Variants in ARL2 observed in about 807,000 individuals in gnomAD.
ARL2 encodes ADP-ribosylation factor-like protein 2.
In ARL2, 11 loss-of-function variants were observed where a neutral mutation model predicts 22.0. The ratio of observed to expected loss-of-function variants is 0.50; its 90% CI spans 0.31 to 0.83. ARL2 has a LOEUF of 0.83. ARL2 is among the 40% of genes least tolerant of loss of function. The probability of loss-of-function intolerance (pLI) is 0.04; values close to 1 mark genes in which losing one functional copy is unlikely to be tolerated. For synonymous variants in ARL2, 111 were observed against 100.8 expected, an observed-to-expected ratio of 1.10 and a Z score of -0.61; for missense variants, 216 against 243.2, an observed-to-expected ratio of 0.89 and a Z score of 0.74.
In ARL2 at chr11:65,014,250, C is replaced by A; in HGVS notation, c.43C>A (p.Arg15=). 1 of 1,574,006 alleles carries A rather than the reference C, an allele frequency of 6.4e-7. No individual in the cohort carries two copies. Among genetic ancestry groups the A allele is most frequent in the East Asian group, 2.5e-5 (1 of 39,278 alleles). The change falls in exon 1 of 5, where the codon CGG becomes AGG. Residue 15 remains arginine (R), a synonymous_variant. Coordinates refer to ENST00000246747, the MANE Select transcript of ARL2 (RefSeq NM_001667.4). ...TILKKMKQKE[R]ELRLLMLGLD... ...TCTGAAGAAGATGAAGCAGAAAGAG[C>A]GGGAGCTGCGACTGCTCATGCTGTA... is the stretch of plus-strand genomic sequence containing the variant.
intron 1 of ARL2, among the ~76,000 whole-genome samples, chr11:65,016,268 CGG>C (rs59272641): frequency 7.6e-5 from 6 of 79,136 alleles, no homozygotes; most frequent in African/African-American, 1.7e-4. Flanking sequence ...TATAGCAATT[CGG>C]GGGGGGGGGA....
chr11:65,020,691 A>T, intron 4 of ARL2, 192 bp downstream of exon 4: 1 of 578,220 alleles, frequency 1.7e-6, no homozygotes, highest in South Asian at 2.1e-5. Context: ...CAACATGATG[A>T]AACCCCGTCT....
At position 65,018,287 on chromosome 11, in the gene ARL2, A is replaced by G; in HGVS notation, c.66-77A>G. 1 of 1,173,956 alleles carries G rather than the reference A, an allele frequency of 8.5e-7. No homozygotes were observed. The highest frequency in any genetic ancestry group is 1.2e-6 in the Non-Finnish European group (1 of 822,924). The allele number at this position is 1,173,956 out of a possible 1,614,324, so 72.7% of individuals were successfully genotyped here. A position where few individuals can be genotyped will look rare whatever the true frequency, so the allele number is the denominator to read the frequency against. Reference sequence around the variant, plus strand: ...GTTTGATACATGGTGGGAAATAATGAGTCCCCTAAGGGGCTCTGCAACAAT... The same window carrying G: ...GTTTGATACATGGTGGGAAATAATGGGTCCCCTAAGGGGCTCTGCAACAAT... On this transcript the variant is annotated intron_variant, in intron 1 of 4. Coordinates refer to ENST00000246747, the MANE Select transcript of ARL2 (RefSeq NM_001667.4). The surrounding 1 kb of genome is among the most constrained non-coding windows in gnomAD (Gnocchi z 4.2).
chr11:65,014,299 A>T (rs1946220890), intron 1 of ARL2, 27 bp downstream of exon 1: 2 of 1,528,466 alleles, frequency 1.3e-6, no homozygotes, highest in Admixed American at 2.2e-5. Context: ...CGGAACCGCG[A>T]GGGTGGCGGG....
Position 65,021,891 on chromosome 11 carries a change from C to A in ARL2, c.*36C>A. ...ATGCCCCCCACCTAGCAGTCCAGGT[C>A]CCTCAACCTTCACCAAACACTACCC... is the stretch of plus-strand genomic sequence containing the variant. On this transcript the variant is annotated 3_prime_UTR_variant, in exon 5 of 5. Transcript: ENST00000246747. 6.3e-7 allele frequency: 1 copy of A among 1,596,252 alleles called. No homozygotes were observed. The highest frequency in any genetic ancestry group is 8.5e-7 in the Non-Finnish European group (1 of 1,170,822).
intron 1 of ARL2, 46 bp downstream of exon 1, chr11:65,014,318 G>C (rs746242393): frequency 3.4e-6 from 5 of 1,490,266 alleles, no homozygotes; most frequent in East Asian, 2.9e-5. Context: ...GGGTCCAGCC[G>C]GGCAGGCGGT....
In ARL2 at chr11:65,021,713, C is replaced by T. The variant is rs779909871; in HGVS notation, c.421-8C>T. On this transcript the variant is annotated splice_region_variant and splice_polypyrimidine_tract_variant and intron_variant, in intron 4 of 4. Coordinates refer to ENST00000246747, the MANE Select transcript of ARL2 (RefSeq NM_001667.4). Reference sequence around the variant, plus strand: ...TGGCCACCACCATCAGCACCTTTGTCCTCCCAGGTCCTGGAGCTGGACTCC... The same window carrying T: ...TGGCCACCACCATCAGCACCTTTGTTCTCCCAGGTCCTGGAGCTGGACTCC... The T allele has an allele frequency of 1.9e-6, 3 of 1,593,556 alleles. No individual in the cohort carries two copies. The highest frequency in any genetic ancestry group is 8.5e-7 in the Non-Finnish European group (1 of 1,170,196).
At chr11:65,016,330 T>C (rs1946255500) in intron 1 of ARL2, among the ~76,000 whole-genome samples, 1 of 150,926 alleles carries the variant, frequency 6.6e-6, no homozygotes, top group African/African-American at 2.4e-5. Context: ...GAGGACTAAC[T>C]GGCGTGTTCA....
At position 65,018,656 on chromosome 11, in the gene ARL2, A is replaced by T; in HGVS notation, c.262A>T (p.Ile88Phe). ...RNYFESTDGL[I>F]WVVDSADRQR... ...CTACTTTGAGAGCACCGATGGCCTC[A>T]TCTGGGTAGTGGACAGCGCAGACCG... Residue 88 changes from isoleucine to phenylalanine, a missense_variant, in exon 3 of 5, where the codon ATC becomes TTC. By Grantham distance (21) the Ile-to-Phe change is conservative. Coordinates refer to ENST00000246747, the MANE Select transcript of ARL2 (RefSeq NM_001667.4). This position sits in a 1 kb window ranked among gnomAD's most constrained non-coding sequence, Gnocchi z 4.2. 11 of 1,614,218 alleles carry T rather than the reference A, an allele frequency of 6.8e-6. No individual in the cohort carries two copies. Among genetic ancestry groups the T allele is most frequent in the South Asian group, 1.1e-5 (1 of 91,078 alleles).
intron 3 of ARL2, chr11:65,019,636 G>A (rs1946304310): frequency 1.3e-5 from 2 of 152,536 alleles, no homozygotes; most frequent in African/African-American, 4.8e-5. Context: ...CCTAACCGTG[G>A]CCTGTCCAAA....
chr11:65,020,035 T>C (rs1946308785), intron 3 of ARL2, among the ~76,000 whole-genome samples: 1 of 152,232 alleles, frequency 6.6e-6, no homozygotes, highest in Non-Finnish European at 1.5e-5. Context: ...TAAAGGGCTG[T>C]GTGAACCCAG....
At chr11:65,015,745 A>T (rs1946243969) in intron 1 of ARL2, among the ~76,000 whole-genome samples, 2 of 151,788 alleles carry the variant, frequency 1.3e-5, no homozygotes, top group Non-Finnish European at 1.5e-5. Context: ...ACATAGTGAG[A>T]CTCTGTCTCT....
chr11:65,018,689 A>G lies in ARL2; in HGVS notation c.295A>G (p.Met99Val), dbSNP rs1946289454. The G allele has an allele frequency of 1.2e-6, 2 of 1,614,222 alleles. No homozygotes were observed. Among genetic ancestry groups the G allele is most frequent in the East Asian group, 2.2e-5 (1 of 44,884 alleles). Residue 99 changes from methionine to valine, a missense_variant, in exon 3 of 5, where the codon ATG (methionine) becomes GTG (valine). Physicochemically the swap from Met to Val is conservative, Grantham distance 21 (BLOSUM62 1). Transcript: ENST00000246747. This position sits in a 1 kb window ranked among gnomAD's most constrained non-coding sequence, Gnocchi z 4.2. Reference protein sequence around the residue: ...WVVDSADRQRMQDCQRELQSL... With the variant: ...WVVDSADRQRVQDCQRELQSL... ...AGTGGACAGCGCAGACCGCCAGCGC[A>G]TGCAGGACTGCCAGCGGGAGCTCCA...
rs1392810748 is a variant in ARL2 at position 65,022,035 on chromosome 11, G to A, written c.*180G>A. ...ACCCGGCTCCCATGGCGGGAGGGCT[G>A]TGCCCTGGCTGTCTCTCTGGCTCCT... On this transcript the variant is annotated 3_prime_UTR_variant, in exon 5 of 5. Coordinates refer to ENST00000246747, the MANE Select transcript of ARL2 (RefSeq NM_001667.4). 4 of 900,734 alleles carry A rather than the reference G, an allele frequency of 4.4e-6. No homozygotes were observed. The highest frequency in any genetic ancestry group is 6.6e-6 in the Non-Finnish European group (4 of 607,152). The allele number at this position is 900,734 out of a possible 1,614,324, so 55.8% of individuals were successfully genotyped here. A position where few individuals can be genotyped will look rare whatever the true frequency, so the allele number is the denominator to read the frequency against.
At position 65,022,117 on chromosome 11, in the gene ARL2, ACTG is replaced by A. The variant is rs1291133029; in HGVS notation, c.*268_*270del. The A allele has an allele frequency of 5.2e-5, 26 of 504,694 alleles. No homozygotes were observed. Among genetic ancestry groups the A allele is most frequent in the African/African-American group, 5.0e-4 (26 of 52,302 alleles). 31.3% of individuals were successfully genotyped at this position (504,694 alleles called of 1,614,324 possible). On this transcript the variant is annotated 3_prime_UTR_variant, in exon 5 of 5. Coordinates refer to ENST00000246747, the MANE Select transcript of ARL2 (RefSeq NM_001667.4). Reference sequence around the variant, plus strand: ...GAGGGCTGGGCGGGGAGGAGCTGCTACTGCTGCTACCGAGGCTGTGGGCCTCAT... The same window carrying A: ...GAGGGCTGGGCGGGGAGGAGCTGCTACTGCTACCGAGGCTGTGGGCCTCAT...
rs543290173 is a variant in ARL2, at chr11:65,017,553, A to G, written c.66-811A>G. 3.9e-5 allele frequency among the ~76,000 whole-genome samples: 6 copies of G among 152,240 alleles called. 1 individual carries two copies. The South Asian group carries it at 1.2e-3, about 32-fold the overall frequency. ...GCAAGCTCATCAGCCAGTGGGAATG[A>G]TCAAGAGGGGAAGGAAACATGGATG... On this transcript the variant is annotated intron_variant, in intron 1 of 4. Coordinates refer to ENST00000246747, the MANE Select transcript of ARL2 (RefSeq NM_001667.4).
At chr11:65,017,367 T>C (rs1402500444) in intron 1 of ARL2, among the ~76,000 whole-genome samples, 6 of 151,974 alleles carry the variant, frequency 3.9e-5, no homozygotes, top group African/African-American at 1.5e-4. Context: ...GGCTGATTTT[T>C]GTAGTTTTAG....
intron 3 of ARL2, 25 bp from the exon 4 acceptor site, chr11:65,020,394 C>G (rs373752729): frequency 9.4e-6 from 15 of 1,588,598 alleles, no homozygotes; most frequent in South Asian, 2.2e-5. Context: ...GTCCCCACCC[C>G]ACCCCTCTAT....
chr11:65,016,399 C>T (rs1946256793), intron 1 of ARL2, among the ~76,000 whole-genome samples: 1 of 151,690 alleles, frequency 6.6e-6, no homozygotes, highest in East Asian at 1.9e-4. Flanking sequence ...TGACTGGGAA[C>T]CCCCTCACCT....
Sources: gnomAD v4.1 joint callset for allele counts (sites outside exome capture counted in the v4.1 genomes callset) on GRCh38, gnomAD v4.1.1 for gene constraint, Gnocchi (gnomAD v3.1) non-coding constraint, MANE v1.5 for transcripts, NCBI Gene and HGNC (gene_info 2026-07-23, HGNC 2026-07-21) for gene names.